ZFP62: variants seen among roughly 807,000 people sequenced by gnomAD.
ZFP62 encodes ZFP62 zinc finger protein.
A neutral mutation model predicts 56.4 loss-of-function variants in ZFP62; 44 were observed. That is an observed-to-expected ratio of 0.78 (90% confidence interval 0.61 to 1.00). The LOEUF (loss-of-function observed/expected upper bound fraction) is 1.00. Among genes scored for constraint, ZFP62 ranks in the 50% least tolerant of loss-of-function variants. The pLI is 0.00. For synonymous variants in ZFP62, 421 were observed against 388.9 expected (o/e 1.08, Z -0.97); for missense variants, 1,030 against 1,085.7 (o/e 0.95, Z 0.72).
At chr5:180,840,594 T>C in the ZFP62 span, among the ~76,000 whole-genome samples, 8 of 151,810 alleles carry the variant, frequency 5.3e-5, no homozygotes, top group African/African-American at 1.9e-4. Context: ...CCATCTCTAC[T>C]AAAAATACAA....
At chr5:180,860,106 G>C (rs1399802840) in intron 1 of ZFP62, among the ~76,000 whole-genome samples, 2 of 152,182 alleles carry the variant, frequency 1.3e-5, no homozygotes, top group Non-Finnish European at 2.9e-5. Context: ...AGACCAGTAA[G>C]ATAAAGTGAA....
the ZFP62 span, among the ~76,000 whole-genome samples, chr5:180,832,213 G>A: frequency 2.1e-3 from 317 of 152,158 alleles, 2 homozygotes; most frequent in South Asian, 2.3e-3. Flanking sequence ...GTGCAGTGGC[G>A]TAATCATGGC....
At chr5:180,855,954 C>T (rs1266685387) in intron 1 of ZFP62, among the ~76,000 whole-genome samples, 1 of 152,230 alleles carries the variant, frequency 6.6e-6, no homozygotes, top group Non-Finnish European at 1.5e-5. Flanking sequence ...GCCTTCTGCA[C>T]CAGCCGCCTG....
rs1287635706 is a variant in ZFP62, at chr5:180,848,542, A to G, written c.*250T>C. On this transcript the variant is annotated 3_prime_UTR_variant, in exon 2 of 2. Coordinates refer to ENST00000502412, the MANE Select transcript of ZFP62 (RefSeq NM_001172638.2). The stretch of plus-strand genomic sequence containing the variant: ...TACTGATTTTGAAGATTTGCTTCAC[A>G]TTCCATCACTCAGATCTAAGTTTTT... 1 of 1,202,140 alleles carries G rather than the reference A, an allele frequency of 8.3e-7. No individual in the cohort carries two copies. Among genetic ancestry groups the G allele is most frequent in the Non-Finnish European group, 1.0e-6 (1 of 967,392 alleles). 74.5% of individuals were successfully genotyped at this position (1,202,140 alleles called of 1,614,324 possible). A position where few individuals can be genotyped will look rare whatever the true frequency, so the allele number is the denominator to read the frequency against.
the ZFP62 span, among the ~76,000 whole-genome samples, chr5:180,841,085 C>T: frequency 1.3e-5 from 2 of 152,042 alleles, no homozygotes; most frequent in South Asian, 4.2e-4. Flanking sequence ...CTGAATGAAA[C>T]ATTAAAAATA....
chr5:180,848,705 A>G lies in ZFP62; in HGVS notation c.*87T>C. ...TAGGATGGTTTCATTTACACTGTGT[A>G]AATTACAAGCCATGACCCCCTACAT... On this transcript the variant is annotated 3_prime_UTR_variant, in exon 2 of 2. Transcript: ENST00000502412. The G allele has an allele frequency of 6.9e-7, 1 of 1,445,364 alleles. No individual in the cohort carries two copies. Among genetic ancestry groups the G allele is most frequent in the Non-Finnish European group, 9.1e-7 (1 of 1,096,556 alleles). The allele number at this position is 1,445,364 out of a possible 1,614,324, so 89.5% of individuals were successfully genotyped here.
chr5:180,850,018 T>C lies in ZFP62; in HGVS notation c.1477A>G (p.Lys493Glu). The stretch of plus-strand genomic sequence containing the variant: ...CCAAGGTGGATTCCTTTGTGATTTT[T>C]AAGGCTAGAGCGTGAGATATAGGCT... ...GKAYISRSSL[K>E]NHKGIHLGEK... Residue 493 changes from lysine (K) to glutamate (E), a missense_variant, in exon 2 of 2, where the codon AAA becomes GAA. Physicochemically the swap from Lys to Glu is moderately conservative, Grantham distance 56 (BLOSUM62 1). Transcript: ENST00000502412. 1 of 1,551,746 alleles carries C rather than the reference T, an allele frequency of 6.4e-7. No homozygotes were observed. Among genetic ancestry groups the C allele is most frequent in the Non-Finnish European group, 8.7e-7 (1 of 1,147,012 alleles).
At chr5:180,842,176 A>C in the ZFP62 span, among the ~76,000 whole-genome samples, 1 of 152,250 alleles carries the variant, frequency 6.6e-6, no homozygotes, top group African/African-American at 2.4e-5. Flanking sequence ...GGTAAATTAG[A>C]TCCAGAATGA....
At chr5:180,831,847 C>G in the ZFP62 span, 1 of 152,412 alleles carries the variant, frequency 6.6e-6, no homozygotes, top group Non-Finnish European at 1.5e-5. Flanking sequence ...AACTTTCTTC[C>G]TTTTCGTCCT....
At chr5:180,855,501 T>C (rs773510502) in intron 1 of ZFP62, among the ~76,000 whole-genome samples, 7 of 152,200 alleles carry the variant, frequency 4.6e-5, no homozygotes, top group South Asian at 2.1e-4. Flanking sequence ...TCCTTCCACC[T>C]TGAGACATTC....
the ZFP62 span, among the ~76,000 whole-genome samples, chr5:180,836,875 T>C: frequency 6.6e-6 from 1 of 152,216 alleles, no homozygotes; most frequent in Non-Finnish European, 1.5e-5. Context: ...AAGAATACAT[T>C]TTATTCAAGT....
At chr5:180,858,331 G>A (rs933130146) in intron 1 of ZFP62, among the ~76,000 whole-genome samples, 7 of 151,212 alleles carry the variant, frequency 4.6e-5, no homozygotes, top group Admixed American at 6.6e-5. Flanking sequence ...CAGGCAAGGT[G>A]CAGTGGTTCA....
At chr5:180,858,036 T>C (rs1437952936) in intron 1 of ZFP62, among the ~76,000 whole-genome samples, 3 of 148,418 alleles carry the variant, frequency 2.0e-5, no homozygotes, top group Non-Finnish European at 4.5e-5. Flanking sequence ...GTGGGTCACC[T>C]GAGGTCAGGA....
Position 180,850,156 on chromosome 5 carries a change from T to C in ZFP62, c.1339A>G (p.Arg447Gly). Residue 447 changes from arginine to glycine, a missense_variant, in exon 2 of 2, where the codon AGA becomes GGA. By Grantham distance (125) the Arg-to-Gly change is moderately radical (BLOSUM62 -2). Transcript: ENST00000502412. Reference protein sequence around the residue: ...LQHRTIHTGERPYVCDVCGKT... With the variant: ...LQHRTIHTGEGPYVCDVCGKT... ...CCACACACATCACATACATAAGGTC[T>C]CTCTCCGGTATGAATAGTTCTGTGT... 6.4e-7 allele frequency: 1 copy of C among 1,551,810 alleles called. No homozygotes were observed. Among genetic ancestry groups the C allele is most frequent in the Non-Finnish European group, 8.7e-7 (1 of 1,147,028 alleles).
chr5:180,832,147 T>C, the ZFP62 span, among the ~76,000 whole-genome samples: 1 of 152,072 alleles, frequency 6.6e-6, no homozygotes, highest in Non-Finnish European at 1.5e-5. Flanking sequence ...CCCAGTGAGA[T>C]TCACTTCTAA....
At chr5:180,845,465 G>A (rs557741913), downstream of ZFP62, among the ~76,000 whole-genome samples, 10 of 150,262 alleles carry the variant, frequency 6.7e-5, no homozygotes, top group Middle Eastern at 3.5e-3. Context: ...CCATGTCCTC[G>A]GCCACTATAC....
At chr5:180,828,147 T>C in the ZFP62 span, among the ~76,000 whole-genome samples, 1 of 152,210 alleles carries the variant, frequency 6.6e-6, no homozygotes, top group Non-Finnish European at 1.5e-5. Flanking sequence ...CTCTATACTT[T>C]GTCTCTGTGT....
intron 1 of ZFP62, among the ~76,000 whole-genome samples, chr5:180,851,826 G>A (rs1249553922): frequency 6.6e-6 from 1 of 152,186 alleles, no homozygotes. Flanking sequence ...TTTAAACAAT[G>A]TCACCCAGTC....
chr5:180,846,250 G>C (rs1376940708), downstream of ZFP62, among the ~76,000 whole-genome samples: 4 of 152,164 alleles, frequency 2.6e-5, no homozygotes, highest in African/African-American at 9.7e-5. Flanking sequence ...GCCGCAGTAG[G>C]AGCTTGTCTG....
Sources: gnomAD v4.1 joint callset for allele counts (sites outside exome capture counted in the v4.1 genomes callset) on GRCh38, gnomAD v4.1.1 for gene constraint, MANE v1.5 for transcripts, NCBI Gene and HGNC (gene_info 2026-07-23, HGNC 2026-07-21) for gene names.